Variants in XYLB observed in about 807,000 individuals in gnomAD.
XYLB encodes the protein xylulokinase, also known as xylulose kinase.
In XYLB, 62 loss-of-function variants were observed where a neutral mutation model predicts 78.7. The ratio of observed to expected loss-of-function variants is 0.79; its 90% CI spans 0.64 to 0.97. XYLB has a LOEUF of 0.97. Among genes scored for constraint, XYLB ranks in the 50% least tolerant of loss-of-function variants. XYLB has a pLI of 0.00. For synonymous variants in XYLB, 245 were observed against 247.4 expected (o/e 0.99, Z 0.09); for missense variants, 687 against 676.8 (o/e 1.02, Z -0.17).
At chr3:38,433,109 C>A in the XYLB span, among the ~76,000 whole-genome samples, 1 of 152,242 alleles carries the variant, frequency 6.6e-6, no homozygotes, top group African/African-American at 2.4e-5. Flanking sequence ...ATTCCCAAAC[C>A]TCAATTCTTT....
At position 38,379,230 on chromosome 3, in the gene XYLB, C is replaced by G. The variant is rs767292026; in HGVS notation, c.1195-16C>G. ...TGAGAGTTCCTTACTCTGTGCCCACCTTTTCCTGGAGACAGGTTGCAGCAT... is the reference window on the plus strand; with the variant it reads ...TGAGAGTTCCTTACTCTGTGCCCACGTTTTCCTGGAGACAGGTTGCAGCAT... On this transcript the variant is annotated splice_polypyrimidine_tract_variant and intron_variant, in intron 14 of 18. Transcript: ENST00000207870. 1 of 1,613,770 alleles carries G rather than the reference C, an allele frequency of 6.2e-7. No individual in the cohort carries two copies. The highest frequency in any genetic ancestry group is 8.5e-7 in the Non-Finnish European group (1 of 1,179,736).
chr3:38,369,950 G>A (rs1338970775), intron 8 of XYLB, 106 bp from the exon 9 acceptor site: 1 of 942,164 alleles, frequency 1.1e-6, no homozygotes, highest in Non-Finnish European at 1.7e-6. Context: ...AAGAGCTCCA[G>A]GTACAAGTTG....
chr3:38,358,665 T>A (rs1420068123), intron 2 of XYLB, among the ~76,000 whole-genome samples: 1 of 152,144 alleles, frequency 6.6e-6, no homozygotes, highest in African/African-American at 2.4e-5. Flanking sequence ...TTTAAGTTGT[T>A]AAATACATGG....
chr3:38,371,525 C>T (rs998417809), intron 9 of XYLB, among the ~76,000 whole-genome samples: 9 of 152,122 alleles, frequency 5.9e-5, no homozygotes, highest in Admixed American at 2.6e-4. Context: ...CTGCCCGCCT[C>T]GGCCTTCCAA....
intron 2 of XYLB, among the ~76,000 whole-genome samples, chr3:38,357,911 T>TG (rs1486483028): frequency 5.0e-3 from 15 of 2,990 alleles, no homozygotes; most frequent in Non-Finnish European, 0.048. Context: ...GTTGTAAAAG[T>TG]TTTTTTTAAT....
At chr3:38,429,947 A>C in the XYLB span, among the ~76,000 whole-genome samples, 1 of 152,210 alleles carries the variant, frequency 6.6e-6, no homozygotes, top group East Asian at 1.9e-4. Context: ...TTCTTAATCC[A>C]GTCTATCATT....
intron 18 of XYLB, among the ~76,000 whole-genome samples, chr3:38,408,828 T>G (rs1442944931): frequency 6.6e-6 from 1 of 152,080 alleles, no homozygotes; most frequent in African/African-American, 2.4e-5. Context: ...CTCCCAAGAC[T>G]AAACCAGGAA....
At chr3:38,406,654 A>G (rs1314920114) in intron 18 of XYLB, among the ~76,000 whole-genome samples, 1 of 152,222 alleles carries the variant, frequency 6.6e-6, no homozygotes, top group Non-Finnish European at 1.5e-5. Context: ...AGATGAATGT[A>G]TAACTAGAAT....
intron 15 of XYLB, among the ~76,000 whole-genome samples, chr3:38,391,122 G>C (rs1259843642): frequency 2.0e-5 from 3 of 152,168 alleles, no homozygotes; most frequent in Non-Finnish European, 4.4e-5. Flanking sequence ...GCTGAGGCGG[G>C]AGAATCACTT....
At chr3:38,450,392 G>A in the XYLB span, among the ~76,000 whole-genome samples, 4 of 152,134 alleles carry the variant, frequency 2.6e-5, no homozygotes, top group Non-Finnish European at 4.4e-5. Context: ...TTCTTCCATA[G>A]CTTGATACTA....
At chr3:38,425,655 T>A (rs1709085575), downstream of XYLB, among the ~76,000 whole-genome samples, 1 of 152,074 alleles carries the variant, frequency 6.6e-6, no homozygotes, top group Non-Finnish European at 1.5e-5. Flanking sequence ...AATAATAACA[T>A]GGGGTAGAGG....
In XYLB at chr3:38,365,202, C is replaced by T. The variant is rs139343226; in HGVS notation, c.295C>T (p.His99Tyr). The T allele has an allele frequency of 1.2e-6, 2 of 1,614,038 alleles. No homozygotes were observed. The highest frequency in any genetic ancestry group is 1.7e-6 in the Non-Finnish European group (2 of 1,180,014). The change falls in exon 5 of 19, where the codon CAC (histidine) becomes TAC (tyrosine). Residue 99 changes from histidine (H) to tyrosine (Y), a missense_variant. Coordinates refer to ENST00000207870, the MANE Select transcript of XYLB (RefSeq NM_005108.4). ...ATGTGCTTGGGTTTCCCAACAGCAACACGGAAGTATATACTGGAAGGCTGG... is the reference window on the plus strand; with the variant it reads ...ATGTGCTTGGGTTTCCCAACAGCAATACGGAAGTATATACTGGAAGGCTGG... ...VLALSGAGQQ[H>Y]GSIYWKAGAQ...
intron 3 of XYLB, among the ~76,000 whole-genome samples, chr3:38,361,045 GA>G (rs748367202): frequency 4.0e-5 from 6 of 151,616 alleles, no homozygotes; most frequent in Non-Finnish European, 8.8e-5. Context: ...CAAAAAAAAA[GA>G]AAAAAAAGAA....
intron 3 of XYLB, among the ~76,000 whole-genome samples, chr3:38,362,666 A>G (rs1047762046): frequency 6.6e-6 from 1 of 151,390 alleles, no homozygotes; most frequent in African/African-American, 2.4e-5. Context: ...TGTCTCGAAG[A>G]AAAAAAAATG....
the XYLB span, among the ~76,000 whole-genome samples, chr3:38,448,938 C>T: frequency 3.3e-5 from 5 of 152,120 alleles, no homozygotes; most frequent in Non-Finnish European, 7.3e-5. Flanking sequence ...CTCCCTCTTG[C>T]GCAGAGGCTC....
Position 38,405,315 on chromosome 3 carries a change from T to C in XYLB, c.1533+4330T>C, listed in dbSNP as rs1315681666. Reference sequence around the variant, plus strand: ...ACTTTGGGAGGCTGAGGCGGGAGGATCACTTGAGGCCAGGAGCTGGAGACC... The same window carrying C: ...ACTTTGGGAGGCTGAGGCGGGAGGACCACTTGAGGCCAGGAGCTGGAGACC... On this transcript the variant is annotated intron_variant, in intron 18 of 18. Transcript: ENST00000207870. 9.2e-5 allele frequency among the ~76,000 whole-genome samples: 13 copies of C among 142,074 alleles called. No individual in the cohort carries two copies. In the East Asian group the frequency reaches 2.3e-3, roughly 25 times the overall value. The allele number at this position is 142,074 out of a possible 152,430, so 93.2% of individuals were successfully genotyped here. A position where few individuals can be genotyped will look rare whatever the true frequency, so the allele number is the denominator to read the frequency against.
chr3:38,440,987 CT>C, the XYLB span, among the ~76,000 whole-genome samples: 4 of 151,238 alleles, frequency 2.6e-5, no homozygotes, highest in African/African-American at 9.7e-5. Context: ...GTCTTTCCCC[CT>C]CTCTCTCTCT....
chr3:38,417,345 G>T (rs904775676), downstream of XYLB, among the ~76,000 whole-genome samples: 1 of 152,040 alleles, frequency 6.6e-6, no homozygotes, highest in Non-Finnish European at 1.5e-5. Flanking sequence ...AATCAAGATT[G>T]TTGTCCCACA....
chr3:38,347,531 T>C (rs1393631958), intron 1 of XYLB, among the ~76,000 whole-genome samples: 1 of 151,770 alleles, frequency 6.6e-6, no homozygotes, highest in Non-Finnish European at 1.5e-5. Context: ...AATACAAAAA[T>C]TAGCCGGGCA....
Sources: gnomAD v4.1 joint callset for allele counts (sites outside exome capture counted in the v4.1 genomes callset) on GRCh38, gnomAD v4.1.1 for gene constraint, MANE v1.5 for transcripts, NCBI Gene and HGNC (gene_info 2026-07-23, HGNC 2026-07-21) for gene names.